Variants in NKAIN3 observed in about 807,000 individuals in gnomAD.
The protein encoded by NKAIN3 is sodium/potassium-transporting ATPase subunit beta-1-interacting protein 3.
In NKAIN3, 25 loss-of-function variants were observed where a neutral mutation model predicts 30.2. That is an observed-to-expected ratio of 0.83 (90% CI 0.60 to 1.16). The LOEUF (loss-of-function observed/expected upper bound fraction) is 1.16. Ranked by LOEUF, NKAIN3 falls within the 50% of genes most tolerant of loss-of-function variation. NKAIN3 has a pLI of 0.00. For missense variants in NKAIN3, 225 were observed against 254.1 expected (o/e 0.89, Z 0.78); for synonymous variants, 91 against 89.6 (o/e 1.02, Z -0.09).
chr8:62,728,088 ACAACTGGG>A (rs1319326877), intron 3 of NKAIN3, among the ~76,000 whole-genome samples: 1 of 152,216 alleles, frequency 6.6e-6, no homozygotes, highest in Non-Finnish European at 1.5e-5. Context: ...TGATACTATA[ACAACTGGG>A]CAACCACTTG....
intron 1 of NKAIN3, among the ~76,000 whole-genome samples, chr8:62,508,177 G>A (rs1386948109): frequency 1.3e-5 from 2 of 152,178 alleles, no homozygotes; most frequent in Non-Finnish European, 2.9e-5. Flanking sequence ...TCTGATTAGA[G>A]AGTGGTGAAC....
chr8:62,302,892 A>T (rs970152772), intron 1 of NKAIN3, among the ~76,000 whole-genome samples: 1 of 150,768 alleles, frequency 6.6e-6, no homozygotes, highest in South Asian at 2.1e-4. Flanking sequence ...TACAGTGGTA[A>T]CATTATATAG....
At chr8:62,530,828 C>T (rs1167624539) in intron 1 of NKAIN3, among the ~76,000 whole-genome samples, 9 of 151,930 alleles carry the variant, frequency 5.9e-5, no homozygotes, top group Admixed American at 1.3e-4. Flanking sequence ...TTAGTAGAAA[C>T]GGGATTTCAC....
chr8:62,865,839 A>C (rs1423759716), intron 4 of NKAIN3, among the ~76,000 whole-genome samples: 1 of 152,234 alleles, frequency 6.6e-6, no homozygotes, highest in Admixed American at 6.5e-5. Context: ...AGGGGGGCTC[A>C]AATTTCAGAA....
intron 4 of NKAIN3, among the ~76,000 whole-genome samples, chr8:62,800,140 C>T (rs1215430641): frequency 2.0e-5 from 3 of 152,146 alleles, no homozygotes; most frequent in Non-Finnish European, 2.9e-5. Flanking sequence ...TCTCATAAAT[C>T]ACCACTAAAG....
intron 1 of NKAIN3, among the ~76,000 whole-genome samples, chr8:62,345,422 TATATACACATATATGTATATATACACAC>T (rs1563942496): frequency 1.5e-5 from 2 of 130,320 alleles, no homozygotes; most frequent in Non-Finnish European, 3.2e-5. Context: ...TATATACACA[TATATACACATATATGTATATATACACAC>T]ATATGTATAT....
chr8:62,935,693 T>C (rs1822762864), intron 5 of NKAIN3, among the ~76,000 whole-genome samples: 1 of 152,142 alleles, frequency 6.6e-6, no homozygotes, highest in South Asian at 2.1e-4. Flanking sequence ...AAAACTAGAA[T>C]ATTCATATTT....
chr8:62,258,163 TA>T (rs202137633), intron 1 of NKAIN3, among the ~76,000 whole-genome samples: 2,198 of 152,266 alleles, frequency 0.014, 49 homozygotes, highest in African/African-American at 0.048. Context: ...ATTGTATGCT[TA>T]AAAAATGAGC....
At chr8:62,866,661 T>C (rs1353305250) in intron 4 of NKAIN3, among the ~76,000 whole-genome samples, 3 of 152,210 alleles carry the variant, frequency 2.0e-5, no homozygotes, top group Non-Finnish European at 4.4e-5. Context: ...CATTAACATT[T>C]ATCCATATGC....
chr8:62,979,958 C>A lies in NKAIN3; in HGVS notation c.*14551C>A, dbSNP rs911121987. ...ATCAGAAAGCCACCTTCCAGTGGGT[C>A]TTTGCCTAGCTTTTGTCTTGTCTTT... is the stretch of plus-strand genomic sequence containing the variant. On this transcript the variant is annotated 3_prime_UTR_variant, in exon 7 of 7. Transcript: ENST00000623646. The A allele has an allele frequency of 6.6e-6, 1 of 152,058 alleles. No homozygotes were observed. The highest frequency in any genetic ancestry group is 2.4e-5 in the African/African-American group (1 of 41,252). 9.4% of individuals were successfully genotyped at this position (152,058 alleles called of 1,614,324 possible). A position where few individuals can be genotyped will look rare whatever the true frequency, so the allele number is the denominator to read the frequency against.
chr8:62,640,363 C>T (rs78030160), intron 3 of NKAIN3, among the ~76,000 whole-genome samples: 7,274 of 152,154 alleles, frequency 0.048, 312 homozygotes, highest in African/African-American at 0.11. Context: ...TTTGCCCTCT[C>T]TCTCACCTGC....
downstream of NKAIN3, among the ~76,000 whole-genome samples, chr8:62,986,640 C>G (rs4377959): frequency 6.6e-6 from 1 of 152,068 alleles, no homozygotes; most frequent in Non-Finnish European, 1.5e-5. Flanking sequence ...GCCTGTGTCA[C>G]AATAACTTAA....
chr8:62,446,757 A>T (rs1480652539), intron 1 of NKAIN3, among the ~76,000 whole-genome samples: 1 of 148,552 alleles, frequency 6.7e-6, no homozygotes, highest in Non-Finnish European at 1.5e-5. Context: ...ATTCAGCGTG[A>T]TATCTTCAAG....
chr8:62,711,766 G>C (rs537672651), intron 3 of NKAIN3, among the ~76,000 whole-genome samples: 1 of 152,056 alleles, frequency 6.6e-6, no homozygotes, highest in Non-Finnish European at 1.5e-5. Context: ...TCTTGGTTTG[G>C]ATCCATTGCT....
chr8:62,507,516 A>G lies in NKAIN3; in HGVS notation c.55-72023A>G, dbSNP rs147645899. ...TAATACACATTCCCAAATTTGTTACATTGTTTTGGAGAATGCATGACTCAG... is the reference window on the plus strand; with the variant it reads ...TAATACACATTCCCAAATTTGTTACGTTGTTTTGGAGAATGCATGACTCAG... On this transcript the variant is annotated intron_variant, in intron 1 of 6. Coordinates refer to ENST00000623646, the MANE Select transcript of NKAIN3 (RefSeq NM_001304533.3). Among the ~76,000 whole-genome samples the G allele has an allele frequency of 2.5e-3, 375 of 152,298 alleles. 2 individuals carry two copies. Among genetic ancestry groups the G allele is most frequent in the African/African-American group, 8.2e-3 (340 of 41,570 alleles).
chr8:62,262,064 G>C (rs933850920), intron 1 of NKAIN3, among the ~76,000 whole-genome samples: 1 of 151,994 alleles, frequency 6.6e-6, no homozygotes, highest in African/African-American at 2.4e-5. Context: ...TCTGGGCTTA[G>C]GTCAAACCTG....
At chr8:62,771,789 G>T (rs1434619785) in intron 4 of NKAIN3, among the ~76,000 whole-genome samples, 1 of 152,006 alleles carries the variant, frequency 6.6e-6, no homozygotes, top group Non-Finnish European at 1.5e-5. Context: ...TGGGAACATA[G>T]TAGATATACA....
At chr8:62,753,234 G>A (rs35008270) in intron 4 of NKAIN3, among the ~76,000 whole-genome samples, 78,091 of 134,270 alleles carry the variant, frequency 0.58, 22,354 homozygotes, top group Non-Finnish European at 0.68. Flanking sequence ...ACACACACAC[G>A]CACGCACGCA....
intron 1 of NKAIN3, among the ~76,000 whole-genome samples, chr8:62,262,861 C>T (rs1259595952): frequency 1.3e-5 from 2 of 152,140 alleles, no homozygotes; most frequent in African/African-American, 2.4e-5. Flanking sequence ...TCTTTATACA[C>T]ACTTTTTAAC....
Sources: gnomAD v4.1 joint callset for allele counts (sites outside exome capture counted in the v4.1 genomes callset) on GRCh38, gnomAD v4.1.1 for gene constraint, MANE v1.5 for transcripts, NCBI Gene and HGNC (gene_info 2026-07-23, HGNC 2026-07-21) for gene names.